The following TSPAN5 variants were observed in gnomAD, a reference collection of about 807,000 sequenced individuals.
TSPAN5 encodes tetraspanin 5, also known as tetraspanin-5.
In TSPAN5, 10 loss-of-function variants were observed where a neutral mutation model predicts 37.1. That is an observed-to-expected ratio of 0.27 (90% CI 0.17 to 0.46). TSPAN5 has a LOEUF of 0.46. TSPAN5 is among the 20% of genes least tolerant of loss of function. TSPAN5 has a pLI of 1.00. For missense variants in TSPAN5, 195 were observed against 326.6 expected (o/e 0.60, Z 3.11); for synonymous variants, 110 against 118.9 (o/e 0.93, Z 0.48).
chr4:98,500,183 A>G (rs989247362), intron 2 of TSPAN5: 1 of 152,184 alleles, frequency 6.6e-6, no homozygotes, highest in African/African-American at 2.4e-5. Context: ...CTCAGGCAAC[A>G]GAAACTGGCC....
chr4:98,585,773 G>T (rs1755472969), intron 1 of TSPAN5, among the ~76,000 whole-genome samples: 1 of 152,202 alleles, frequency 6.6e-6, no homozygotes, highest in Admixed American at 6.5e-5. Context: ...CTGTTTTCTA[G>T]TCTAGACTGC....
At chr4:98,650,452 G>C (rs897118440) in intron 1 of TSPAN5, among the ~76,000 whole-genome samples, 1 of 152,126 alleles carries the variant, frequency 6.6e-6, no homozygotes, top group African/African-American at 2.4e-5. Context: ...CAGAAGATTG[G>C]TTACATATGG....
At chr4:98,478,657 G>T in intron 5 of TSPAN5, 28 bp downstream of exon 5, 1 of 1,614,042 alleles carries the variant, frequency 6.2e-7, no homozygotes. Flanking sequence ...GTACAGAGTA[G>T]GCCAATAGTT....
Position 98,658,335 on chromosome 4 carries a change from G to C in TSPAN5, c.-109C>G. 2.2e-6 allele frequency: 2 copies of C among 902,694 alleles called. No individual in the cohort carries two copies. Among genetic ancestry groups the C allele is most frequent in the Non-Finnish European group, 3.6e-6 (2 of 559,590 alleles). The allele number at this position is 902,694 out of a possible 1,614,324, so 55.9% of individuals were successfully genotyped here. ...GCAGGAGCTCAGGGACACCGCACGG[G>C]GCCGCGGCGCTGGCGGCCTGGGCTC... On this transcript the variant is annotated 5_prime_UTR_variant, in exon 1 of 8. Coordinates refer to ENST00000305798, the MANE Select transcript of TSPAN5 (RefSeq NM_005723.4).
At chr4:98,654,528 C>T (rs1476278410) in intron 1 of TSPAN5, among the ~76,000 whole-genome samples, 1 of 152,176 alleles carries the variant, frequency 6.6e-6, no homozygotes, top group African/African-American at 2.4e-5. Context: ...AGTACGGTGA[C>T]ACCCTCAATA....
chr4:98,657,457 G>A (rs1281820525), intron 1 of TSPAN5: 1 of 152,078 alleles, frequency 6.6e-6, no homozygotes, highest in Admixed American at 6.6e-5. Context: ...ATATGTTGAC[G>A]GTGACTTATT....
chr4:98,523,966 T>C (rs1263282480), intron 1 of TSPAN5, among the ~76,000 whole-genome samples: 1 of 152,184 alleles, frequency 6.6e-6, no homozygotes, highest in Admixed American at 6.5e-5. Context: ...TCACATAGCA[T>C]TGATATGAGG....
intron 1 of TSPAN5, among the ~76,000 whole-genome samples, chr4:98,652,403 T>C (rs1286099916): frequency 1.3e-5 from 2 of 152,262 alleles, no homozygotes; most frequent in Non-Finnish European, 2.9e-5. Flanking sequence ...TATTCCACCA[T>C]ATTCTTGAAG....
At chr4:98,577,549 G>A (rs909032966) in intron 1 of TSPAN5, among the ~76,000 whole-genome samples, 1 of 152,264 alleles carries the variant, frequency 6.6e-6, no homozygotes. Context: ...ACCTATCAGG[G>A]TCCGTTTATT....
chr4:98,519,929 C>CCCACTAAAT (rs1262299714), intron 1 of TSPAN5, among the ~76,000 whole-genome samples: 17 of 152,170 alleles, frequency 1.1e-4, no homozygotes, highest in Admixed American at 4.6e-4. Flanking sequence ...GAATCTATCT[C>CCCACTAAAT]GTGGGGTCAT....
chr4:98,514,415 A>C (rs1753685283), intron 1 of TSPAN5, among the ~76,000 whole-genome samples: 1 of 152,166 alleles, frequency 6.6e-6, no homozygotes, highest in African/African-American at 2.4e-5. Context: ...GAATAAAAAA[A>C]CCTCTGGGGA....
intron 1 of TSPAN5, among the ~76,000 whole-genome samples, chr4:98,606,681 A>G (rs1200726461): frequency 6.6e-6 from 1 of 152,260 alleles, no homozygotes; most frequent in African/African-American, 2.4e-5. Context: ...ATTATTGAAC[A>G]TATATGAAAG....
At chr4:98,555,414 T>C (rs1754718701) in intron 1 of TSPAN5, among the ~76,000 whole-genome samples, 1 of 152,220 alleles carries the variant, frequency 6.6e-6, no homozygotes, top group South Asian at 2.1e-4. Context: ...TTTGAGATGA[T>C]AACTCAGTAA....
intron 1 of TSPAN5, among the ~76,000 whole-genome samples, chr4:98,581,963 A>G (rs1032719495): frequency 6.6e-6 from 1 of 152,130 alleles, no homozygotes; most frequent in Non-Finnish European, 1.5e-5. Flanking sequence ...ATGTGTTCAG[A>G]GTTCTGAGCT....
chr4:98,509,193 T>G (rs1046053428), intron 1 of TSPAN5, among the ~76,000 whole-genome samples: 5 of 152,200 alleles, frequency 3.3e-5, no homozygotes, highest in Admixed American at 6.5e-5. Context: ...TACTAACATC[T>G]TGATTAAGTT....
chr4:98,620,173 A>ACTT (rs35246903), intron 1 of TSPAN5, among the ~76,000 whole-genome samples: 87,140 of 151,762 alleles, frequency 0.57, 26,386 homozygotes, highest in African/African-American at 0.77. Flanking sequence ...ACGCTATGTA[A>ACTT]CAAAGCTAGG....
At chr4:98,555,311 A>G (rs974782649) in intron 1 of TSPAN5, among the ~76,000 whole-genome samples, 1 of 152,140 alleles carries the variant, frequency 6.6e-6, no homozygotes, top group African/African-American at 2.4e-5. Flanking sequence ...TTCCTTGACT[A>G]TATCAAGCAA....
At chr4:98,623,227 G>C (rs528935340) in intron 1 of TSPAN5, among the ~76,000 whole-genome samples, 9 of 152,114 alleles carry the variant, frequency 5.9e-5, no homozygotes, top group Admixed American at 5.9e-4. Context: ...ATTTAAAATA[G>C]ACCTCCCCCA....
At chr4:98,649,859 A>T (rs1757146948) in intron 1 of TSPAN5, among the ~76,000 whole-genome samples, 1 of 152,194 alleles carries the variant, frequency 6.6e-6, no homozygotes, top group South Asian at 2.1e-4. Context: ...GCATTAATAG[A>T]GGTGTGTCCA....
Sources: gnomAD v4.1 joint callset for allele counts (sites outside exome capture counted in the v4.1 genomes callset) on GRCh38, gnomAD v4.1.1 for gene constraint, MANE v1.5 for transcripts, NCBI Gene and HGNC (gene_info 2026-07-23, HGNC 2026-07-21) for gene names.